The following PLD5 variants were observed in gnomAD, a reference collection of about 807,000 sequenced individuals.
PLD5 encodes the protein phospholipase D family member 5, also known as inactive phospholipase D5.
Under a neutral mutation model 61.1 loss-of-function variants are expected in PLD5, and 36 were observed. The observed-to-expected ratio is 0.59, with a 90% confidence interval of 0.45 to 0.78. The LOEUF (loss-of-function observed/expected upper bound fraction) is 0.78. Ranked by LOEUF, PLD5 falls within the 30% of genes least tolerant of loss-of-function variation. The pLI is 0.00. For synonymous variants in PLD5, 243 were observed against 242.8 expected (o/e 1.00, Z -0.01); for missense variants, 515 against 644.4 (o/e 0.80, Z 2.17).
At chr1:242,273,023 G>C (rs1674197626) in intron 3 of PLD5, among the ~76,000 whole-genome samples, 1 of 152,028 alleles carries the variant, frequency 6.6e-6, no homozygotes, top group African/African-American at 2.4e-5. Context: ...CCCATCATCT[G>C]GGTTTTAAGG....
At chr1:242,129,087 C>T (rs1663032523) in intron 5 of PLD5, among the ~76,000 whole-genome samples, 1 of 152,136 alleles carries the variant, frequency 6.6e-6, no homozygotes, top group Non-Finnish European at 1.5e-5. Flanking sequence ...TCCTTATGAA[C>T]CATTTATCAC....
intron 1 of PLD5, among the ~76,000 whole-genome samples, chr1:242,407,567 T>G (rs59193597): frequency 0.37 from 54,317 of 145,390 alleles, 10,146 homozygotes; most frequent in African/African-American, 0.45. Context: ...TTTTGTTTTT[T>G]TTTTTTTTTT....
At chr1:242,192,515 G>A (rs1479434250) in intron 5 of PLD5, among the ~76,000 whole-genome samples, 1 of 151,960 alleles carries the variant, frequency 6.6e-6, no homozygotes, top group East Asian at 1.9e-4. Context: ...GCTTCAGGGA[G>A]AAAAATAAAA....
At chr1:242,321,040 C>T (rs1658365364) in intron 2 of PLD5, among the ~76,000 whole-genome samples, 1 of 152,158 alleles carries the variant, frequency 6.6e-6, no homozygotes. Flanking sequence ...ATTCTACTAT[C>T]AACCGAAAGA....
rs34280777 is a variant in PLD5 at position 242,168,846 on chromosome 1, G to GTTTTTTTTTTTTTTTT, written c.736-44197_736-44182dup. Reference sequence around the variant, plus strand: ...TCCATGACAGTTTTTAATTAATGAAGTTTTTTTTTTTTTTTTTTTTACCAC... The same window carrying GTTTTTTTTTTTTTTTT: ...TCCATGACAGTTTTTAATTAATGAAGTTTTTTTTTTTTTTTTTTTTTTTTTTTTTTTTTTTTACCAC... On this transcript the variant is annotated intron_variant, in intron 5 of 9. Coordinates refer to ENST00000536534, the MANE Select transcript of PLD5 (RefSeq NM_001372062.1). 3.2e-3 allele frequency among the ~76,000 whole-genome samples: 361 copies of GTTTTTTTTTTTTTTTT among 111,254 alleles called. 34 individuals are homozygous for GTTTTTTTTTTTTTTTT. The highest frequency in any genetic ancestry group is 0.012 in the African/African-American group (324 of 26,774). The allele number at this position is 111,254 out of a possible 152,430, so 73.0% of individuals were successfully genotyped here. A position where few individuals can be genotyped will look rare whatever the true frequency, so the allele number is the denominator to read the frequency against.
intron 1 of PLD5, among the ~76,000 whole-genome samples, chr1:242,477,211 T>G (rs145555810): frequency 1.4e-3 from 217 of 151,968 alleles, no homozygotes; most frequent in African/African-American, 3.6e-3. Flanking sequence ...GATCACGTCA[T>G]TGCCCTCCAG....
Position 242,167,536 on chromosome 1 carries a change from A to G in PLD5, c.736-42871T>C, listed in dbSNP as rs1486139334. On this transcript the variant is annotated intron_variant, in intron 5 of 9. Transcript: ENST00000536534. ...ACATGTGGGGATTATGGGAGCTACAATTCAAGATGAGATTTGGGTGGGGAC... is the reference window on the plus strand; with the variant it reads ...ACATGTGGGGATTATGGGAGCTACAGTTCAAGATGAGATTTGGGTGGGGAC... Among the ~76,000 whole-genome samples, 6 of 152,310 alleles carry G rather than the reference A, an allele frequency of 3.9e-5. No individual in the cohort carries two copies. In the East Asian group the frequency reaches 1.2e-3, roughly 29 times the overall value.
intron 2 of PLD5, among the ~76,000 whole-genome samples, chr1:242,309,948 G>A (rs1676600789): frequency 1.3e-5 from 2 of 150,696 alleles, no homozygotes; most frequent in Admixed American, 1.3e-4. Context: ...AAGGCAAAAT[G>A]TACCATTTAA....
intron 5 of PLD5, among the ~76,000 whole-genome samples, chr1:242,146,504 A>G (rs1664551249): frequency 6.6e-6 from 1 of 152,176 alleles, no homozygotes; most frequent in South Asian, 2.1e-4. Flanking sequence ...TATAAGAGAG[A>G]TGGCTTCAAT....
chr1:242,321,744 C>T (rs12123701), intron 2 of PLD5, among the ~76,000 whole-genome samples: 8,908 of 152,258 alleles, frequency 0.059, 315 homozygotes, highest in Middle Eastern at 0.099. Flanking sequence ...AGCTTCTACA[C>T]TCTCCTGGTG....
rs139590997 is a variant in PLD5, at chr1:242,499,190, G to A, written c.189+24898C>T. 7.3e-4 allele frequency among the ~76,000 whole-genome samples: 111 copies of A among 152,210 alleles called. No individual in the cohort carries two copies. In the East Asian group the frequency reaches 0.019, roughly 26 times the overall value. On this transcript the variant is annotated intron_variant, in intron 1 of 9. Transcript: ENST00000536534. ...ATCTATTTGACAGTTAATAAAATAA[G>A]CCACTTTCACATTTTCATTGCTCAT...
chr1:242,086,998 T>C lies in PLD5; in HGVS notation c.*2856A>G, dbSNP rs2148634153. ...TGGGATATTTAGGGGTGGGGGGGAA[T>C]GGAGGTTGATAGTTTGTTTAGCACA... On this transcript the variant is annotated 3_prime_UTR_variant, in exon 10 of 10. Transcript: ENST00000536534. 6.6e-6 allele frequency: 1 copy of C among 151,752 alleles called. No homozygotes were observed. The highest frequency in any genetic ancestry group is 2.1e-4 in the South Asian group (1 of 4,806). The allele number at this position is 151,752 out of a possible 1,614,324, so 9.4% of individuals were successfully genotyped here.
chr1:242,421,981 GAAGAA>G (rs1469642687), intron 1 of PLD5, among the ~76,000 whole-genome samples: 2 of 152,118 alleles, frequency 1.3e-5, no homozygotes, highest in African/African-American at 4.8e-5. Context: ...AAATTCAAAT[GAAGAA>G]AAGAGAAGGA....
chr1:242,254,631 T>A (rs2257328), intron 4 of PLD5, among the ~76,000 whole-genome samples: 1 of 151,710 alleles, frequency 6.6e-6, no homozygotes, highest in Non-Finnish European at 1.5e-5. Context: ...TATCACACCA[T>A]TGCCCTCCAG....
chr1:242,414,487 C>T (rs1572101221), intron 1 of PLD5, among the ~76,000 whole-genome samples: 1 of 152,038 alleles, frequency 6.6e-6, no homozygotes, highest in South Asian at 2.1e-4. Context: ...AACTCAATTA[C>T]AAATGCAAAT....
chr1:242,337,956 G>C (rs2749642), intron 2 of PLD5, among the ~76,000 whole-genome samples: 129,756 of 152,022 alleles, frequency 0.85, 56,355 homozygotes, highest in Non-Finnish European at 0.94. Flanking sequence ...TGCTACCATG[G>C]CTTTTAGACT....
intron 1 of PLD5, among the ~76,000 whole-genome samples, chr1:242,442,438 G>A (rs1473549131): frequency 6.6e-6 from 1 of 152,078 alleles, no homozygotes; most frequent in South Asian, 2.1e-4. Context: ...TTACATAAAT[G>A]GGATTATTCG....
chr1:242,218,246 T>C (rs1166038333), intron 5 of PLD5, among the ~76,000 whole-genome samples: 1 of 152,200 alleles, frequency 6.6e-6, no homozygotes, highest in Non-Finnish European at 1.5e-5. Flanking sequence ...GCTCAGATGA[T>C]TGTTATTTTC....
intron 4 of PLD5, among the ~76,000 whole-genome samples, chr1:242,236,131 C>T (rs428400): frequency 0.051 from 7,735 of 152,228 alleles, 669 homozygotes; most frequent in African/African-American, 0.18. Context: ...CACACAAGGA[C>T]ACAGTGAGAA....
Sources: allele counts gnomAD v4.1 joint callset (sites outside exome capture counted in the v4.1 genomes callset), GRCh38; gene constraint gnomAD v4.1.1; transcripts MANE v1.5; gene names NCBI Gene and HGNC (gene_info 2026-07-23, HGNC 2026-07-21).